Variants in ZMYM4 observed in about 807,000 individuals in gnomAD.
ZMYM4 encodes the protein zinc finger MYM-type protein 4.
A neutral mutation model predicts 183.2 loss-of-function variants in ZMYM4; 31 were observed. The observed-to-expected ratio is 0.17, with a 90% CI of 0.13 to 0.23. The LOEUF is 0.23. ZMYM4 is among the 10% of genes least tolerant of loss of function. The pLI is 1.00. For synonymous variants in ZMYM4, 592 were observed against 631.2 expected, an observed-to-expected ratio of 0.94 and a Z score of 0.93; for missense variants, 1,273 against 1,840.3, an observed-to-expected ratio of 0.69 and a Z score of 5.64.
intron 1 of ZMYM4, chr1:35,309,047 G>T: frequency 1.0e-6 from 1 of 985,396 alleles, no homozygotes. Flanking sequence ...TGAATTTGGG[G>T]AGAAATGGTG....
At chr1:35,343,771 A>G (rs1336019009) in intron 2 of ZMYM4, among the ~76,000 whole-genome samples, 1 of 151,886 alleles carries the variant, frequency 6.6e-6, no homozygotes, top group Non-Finnish European at 1.5e-5. Context: ...AGGCTGAGGC[A>G]GACAATTGCT....
chr1:35,401,062 AACTT>A (rs141226362), intron 23 of ZMYM4, among the ~76,000 whole-genome samples: 2,042 of 152,324 alleles, frequency 0.013, 46 homozygotes, highest in African/African-American at 0.047. Context: ...TTTTGAATAA[AACTT>A]ACTCAAAATG....
At chr1:35,408,960 C>G (rs1313263768) in intron 26 of ZMYM4, among the ~76,000 whole-genome samples, 1 of 152,184 alleles carries the variant, frequency 6.6e-6, no homozygotes, top group Non-Finnish European at 1.5e-5. Flanking sequence ...CCATCCCTGG[C>G]AACCATAAAT....
At chr1:35,315,484 T>C (rs1642004430) in intron 1 of ZMYM4, among the ~76,000 whole-genome samples, 1 of 152,220 alleles carries the variant, frequency 6.6e-6, no homozygotes, top group African/African-American at 2.4e-5. Flanking sequence ...AGTTGACAGT[T>C]AGCCAGTCTT....
intron 19 of ZMYM4, chr1:35,396,911 A>G (rs1644818982): frequency 1.8e-6 from 1 of 544,436 alleles, no homozygotes; most frequent in Admixed American, 4.9e-5. Context: ...CAATAAGACC[A>G]CTCAAATAGA....
intron 1 of ZMYM4, among the ~76,000 whole-genome samples, chr1:35,305,284 C>T (rs1641484070): frequency 1.3e-5 from 2 of 152,194 alleles, no homozygotes; most frequent in African/African-American, 4.8e-5. Context: ...ACTGACAGAA[C>T]TATAAATCTG....
intron 1 of ZMYM4, among the ~76,000 whole-genome samples, chr1:35,314,417 TGG>T (rs1051497092): frequency 8.4e-4 from 127 of 152,024 alleles, no homozygotes; most frequent in African/African-American, 2.9e-3. Flanking sequence ...CCTGAGTAGC[TGG>T]GGTTACAGGC....
chr1:35,380,063 G>T (rs1021389837), intron 7 of ZMYM4, among the ~76,000 whole-genome samples: 3 of 152,202 alleles, frequency 2.0e-5, no homozygotes, highest in African/African-American at 7.2e-5. Flanking sequence ...GGCACTGATA[G>T]ACTTGTGTGA....
chr1:35,366,674 A>G (rs889911715), intron 5 of ZMYM4, among the ~76,000 whole-genome samples: 2 of 152,224 alleles, frequency 1.3e-5, no homozygotes, highest in Non-Finnish European at 2.9e-5. Flanking sequence ...TGAAGAGACC[A>G]TCTTTTTAAA....
chr1:35,322,541 G>A (rs1212395729), intron 1 of ZMYM4, among the ~76,000 whole-genome samples: 2 of 152,020 alleles, frequency 1.3e-5, no homozygotes, highest in Non-Finnish European at 2.9e-5. Flanking sequence ...TCCTTTAGGA[G>A]TGAGAATAGA....
chr1:35,322,245 G>T (rs1204759144), intron 1 of ZMYM4, among the ~76,000 whole-genome samples: 1 of 152,098 alleles, frequency 6.6e-6, no homozygotes, highest in East Asian at 1.9e-4. Flanking sequence ...TTGAGTCCAA[G>T]ATTGCTTTAT....
chr1:35,326,330 T>C (rs1033250670), intron 2 of ZMYM4, among the ~76,000 whole-genome samples: 1 of 152,148 alleles, frequency 6.6e-6, no homozygotes, highest in Non-Finnish European at 1.5e-5. Context: ...ACAAGTAAGA[T>C]AATTATTTAC....
At chr1:35,392,116 C>G (rs920643200) in intron 15 of ZMYM4, 96 bp from the exon 16 acceptor site, 1 of 1,524,284 alleles carries the variant, frequency 6.6e-7, no homozygotes, top group Non-Finnish European at 9.0e-7. Context: ...AGAAATTACT[C>G]AAACCTGAAA....
intron 2 of ZMYM4, among the ~76,000 whole-genome samples, chr1:35,344,473 ATTTT>A (rs559794324): frequency 1.4e-5 from 2 of 146,546 alleles, no homozygotes; most frequent in Admixed American, 6.8e-5. Context: ...TGAGATGTTG[ATTTT>A]TTTTTTTATA....
chr1:35,273,997 T>C (rs1278064630), intron 1 of ZMYM4, among the ~76,000 whole-genome samples: 1 of 152,208 alleles, frequency 6.6e-6, no homozygotes, highest in African/African-American at 2.4e-5. Context: ...TGTGATGGGA[T>C]ATGGAGAAGT....
chr1:35,279,085 T>G (rs1640016302), intron 1 of ZMYM4, among the ~76,000 whole-genome samples: 1 of 152,212 alleles, frequency 6.6e-6, no homozygotes. Flanking sequence ...CCATGGAGGC[T>G]CTGTCTGCAG....
chr1:35,325,195 A>G (rs192402456), intron 1 of ZMYM4, among the ~76,000 whole-genome samples, 165 bp from the exon 2 acceptor site: 1 of 152,248 alleles, frequency 6.6e-6, no homozygotes. Context: ...ACTTTGGTTC[A>G]TCCTAAATTT....
chr1:35,361,832 C>A, intron 5 of ZMYM4, 43 bp downstream of exon 5: 1 of 1,578,262 alleles, frequency 6.3e-7, no homozygotes, highest in Non-Finnish European at 8.6e-7. Flanking sequence ...TTGTTCCACA[C>A]ATTGAATTAT....
chr1:35,415,425 A>G, intron 27 of ZMYM4, 41 bp from the exon 28 acceptor site: 1 of 1,610,454 alleles, frequency 6.2e-7, no homozygotes, highest in Non-Finnish European at 8.5e-7. Flanking sequence ...CTACTTTAGC[A>G]GGAGCTCAGT....
Sources: allele counts gnomAD v4.1 joint callset (sites outside exome capture counted in the v4.1 genomes callset), GRCh38; gene constraint gnomAD v4.1.1; transcripts MANE v1.5; gene names NCBI Gene and HGNC (gene_info 2026-07-23, HGNC 2026-07-21).